The following OPRM1 variants were observed in gnomAD, a reference collection of about 807,000 sequenced individuals.
The protein encoded by OPRM1 is opioid receptor mu 1.
In OPRM1, 27 loss-of-function variants were observed where a neutral mutation model predicts 31.8. The ratio of observed to expected loss-of-function variants is 0.85; its 90% CI spans 0.63 to 1.17. The LOEUF is 1.17. Ranked by LOEUF, OPRM1 falls within the 50% of genes most tolerant of loss-of-function variation. The probability of loss-of-function intolerance (pLI) is 0.00; values close to 1 mark genes in which losing one functional copy is unlikely to be tolerated. For synonymous variants in OPRM1, 196 were observed against 189.9 expected, an observed-to-expected ratio of 1.03 and a Z score of -0.26; for missense variants, 536 against 511.1, an observed-to-expected ratio of 1.05 and a Z score of -0.47.
chr6:154,011,482 A>C (rs931963566), intron 1 of OPRM1, among the ~76,000 whole-genome samples: 68 of 152,186 alleles, frequency 4.5e-4, no homozygotes, highest in African/African-American at 1.6e-3. Context: ...TGTAAACATA[A>C]ACTGCTTTAA....
Position 154,122,661 on chromosome 6 carries a change from C to T in OPRM1, c.*3940C>T, listed in dbSNP as rs1053639601. 3.3e-5 allele frequency among the ~76,000 whole-genome samples: 5 copies of T among 152,128 alleles called. No homozygotes were observed. The highest frequency in any genetic ancestry group is 1.2e-4 in the African/African-American group (5 of 41,420). ...GAATTGTGTACATTACAAACTGCTCCAGAAACAAAACCAAATGTGGATAGC... is the reference window on the plus strand; with the variant it reads ...GAATTGTGTACATTACAAACTGCTCTAGAAACAAAACCAAATGTGGATAGC... On this transcript the variant is annotated 3_prime_UTR_variant, in exon 4 of 4. Transcript: ENST00000330432.
At chr6:154,144,059 T>C (rs1798295079) in intron 3 of OPRM1, among the ~76,000 whole-genome samples, 1 of 152,130 alleles carries the variant, frequency 6.6e-6, no homozygotes. Flanking sequence ...CAAAAATAAA[T>C]TTGGCAGCTT....
intron 3 of OPRM1, among the ~76,000 whole-genome samples, chr6:154,187,208 C>T (rs1339141304): frequency 6.6e-6 from 1 of 151,802 alleles, no homozygotes; most frequent in Non-Finnish European, 1.5e-5. Flanking sequence ...AGAGATTTTC[C>T]AGGACTACCA....
chr6:154,202,817 C>G (rs1777177247), intron 3 of OPRM1, among the ~76,000 whole-genome samples: 1 of 151,802 alleles, frequency 6.6e-6, no homozygotes, highest in Admixed American at 6.6e-5. Context: ...CACCAGGCAC[C>G]ACTTATAAAT....
chr6:154,234,629 A>G (rs569896696), intron 3 of OPRM1, among the ~76,000 whole-genome samples: 3 of 152,366 alleles, frequency 2.0e-5, no homozygotes, highest in Non-Finnish European at 2.9e-5. Flanking sequence ...GTGGTGACCA[A>G]GAAGTGGCTG....
At chr6:154,137,288 A>G (rs1027290584), downstream of OPRM1, among the ~76,000 whole-genome samples, 2 of 152,198 alleles carry the variant, frequency 1.3e-5, no homozygotes, top group African/African-American at 4.8e-5. Context: ...TACAGTGATA[A>G]AAAGAAAGGA....
At chr6:154,159,968 CTCTG>C (rs1362021766) in intron 3 of OPRM1, 1 of 1,613,280 alleles carries the variant, frequency 6.2e-7, no homozygotes. Context: ...ACTTTCCACT[CTCTG>C]TATTTCCTGG....
intron 1 of OPRM1, among the ~76,000 whole-genome samples, chr6:154,014,682 G>A (rs2128377053): frequency 1.3e-5 from 2 of 152,158 alleles, no homozygotes; most frequent in South Asian, 4.1e-4. Flanking sequence ...TCATTTATGT[G>A]GTATATGCAT....
intron 1 of OPRM1, chr6:154,087,824 T>TA (rs879535404): frequency 1.5e-3 from 231 of 150,128 alleles, no homozygotes; most frequent in Non-Finnish European, 2.4e-3. Flanking sequence ...TGTGGAATGT[T>TA]AAAAAAAAAA....
At chr6:154,082,894 C>T (rs2128470512) in intron 1 of OPRM1, among the ~76,000 whole-genome samples, 1 of 152,104 alleles carries the variant, frequency 6.6e-6, no homozygotes, top group East Asian at 1.9e-4. Flanking sequence ...AATATTTCAT[C>T]TAGTTATAAC....
At chr6:154,139,917 C>A (rs1312765929) in intron 3 of OPRM1, among the ~76,000 whole-genome samples, 7 of 152,250 alleles carry the variant, frequency 4.6e-5, no homozygotes, top group Admixed American at 4.6e-4. Flanking sequence ...AGTTTAAATT[C>A]CCCGGTGACG....
chr6:154,038,636 G>T (rs575256635), upstream of OPRM1, among the ~76,000 whole-genome samples: 1 of 152,150 alleles, frequency 6.6e-6, no homozygotes, highest in East Asian at 1.9e-4. Flanking sequence ...AGATGTGAAA[G>T]ATCAACATTA....
intron 3 of OPRM1, among the ~76,000 whole-genome samples, chr6:154,228,304 T>TA (rs11303578): frequency 7.4e-4 from 109 of 147,162 alleles, no homozygotes; most frequent in South Asian, 1.7e-3. Flanking sequence ...TGTCTCTGTT[T>TA]AAAAAAAAAA....
intron 1 of OPRM1, among the ~76,000 whole-genome samples, chr6:154,029,604 G>A (rs1487547496): frequency 1.3e-5 from 2 of 152,172 alleles, no homozygotes; most frequent in Non-Finnish European, 2.9e-5. Context: ...ATACAAGGAA[G>A]CACATTTCCA....
rs1468393718 is a variant in OPRM1 at position 154,121,809 on chromosome 6, C to T, written c.*3088C>T. ...CACATTTATCAAAAAGTCCCCAAAG[C>T]ATTCAAAATCTTTACTTAAGTCAAG... On this transcript the variant is annotated 3_prime_UTR_variant, in exon 4 of 4. Coordinates refer to ENST00000330432, the MANE Select transcript of OPRM1 (RefSeq NM_000914.5). 6.6e-6 allele frequency among the ~76,000 whole-genome samples: 1 copy of T among 152,174 alleles called. No individual in the cohort carries two copies. Among genetic ancestry groups the T allele is most frequent in the Non-Finnish European group, 1.5e-5 (1 of 68,028 alleles).
At chr6:154,159,951 G>A in intron 3 of OPRM1, 2 of 1,613,482 alleles carry the variant, frequency 1.2e-6, no homozygotes, top group Non-Finnish European at 1.7e-6. Flanking sequence ...TCAGCAGGGT[G>A]TTCATGACTT....
chr6:154,170,251 T>A (rs1473125660), intron 3 of OPRM1, among the ~76,000 whole-genome samples: 1 of 151,996 alleles, frequency 6.6e-6, no homozygotes, highest in East Asian at 1.9e-4. Context: ...CTCCTTAATG[T>A]TTATATGTTT....
rs1172058882 is a variant in OPRM1, at chr6:154,025,239, C to T, written c.1-13922C>T. ...AATGTATTTGAAATTGTTATATCTG[C>T]TTGCTGAAGTGACCCCTTTATCATT... is the stretch of plus-strand genomic sequence containing the variant. On this transcript the variant is annotated intron_variant, in intron 1 of 5. Transcript: ENST00000434900. 3.9e-5 allele frequency among the ~76,000 whole-genome samples: 6 copies of T among 151,980 alleles called. No homozygotes were observed. The South Asian group carries it at 1.0e-3, about 26-fold the overall frequency.
intron 3 of OPRM1, chr6:154,156,280 C>T (rs1798710006): frequency 6.6e-6 from 1 of 152,234 alleles, no homozygotes; most frequent in Admixed American, 6.5e-5. Context: ...AGAATTTAGC[C>T]AAACAGCCAC....
Sources: allele counts gnomAD v4.1 joint callset (sites outside exome capture counted in the v4.1 genomes callset), GRCh38; gene constraint gnomAD v4.1.1; transcripts MANE v1.5; gene names NCBI Gene and HGNC (gene_info 2026-07-23, HGNC 2026-07-21).